Variants in LARGE1 observed in about 807,000 individuals in gnomAD.
LARGE1 encodes the protein xylosyl- and glucuronyltransferase LARGE1.
In LARGE1, 43 loss-of-function variants were observed where a neutral mutation model predicts 87.6. The observed-to-expected ratio is 0.49, with a 90% CI of 0.38 to 0.63. The LOEUF (loss-of-function observed/expected upper bound fraction) is 0.63, where lower values mean the gene tolerates loss of function less well. LARGE1 is among the 30% of genes least tolerant of loss of function. The pLI is 0.00. For synonymous variants in LARGE1, 434 were observed against 394.6 expected (o/e 1.10, Z -1.18); for missense variants, 802 against 1,000.2 (o/e 0.80, Z 2.67).
intron 11 of LARGE1, among the ~76,000 whole-genome samples, chr22:33,197,935 A>C (rs1199466456): frequency 6.6e-6 from 1 of 152,206 alleles, no homozygotes; most frequent in East Asian, 1.9e-4. Context: ...TCAATGCCAC[A>C]TAATAGAGTC....
At chr22:33,138,450 AT>A in the LARGE1 span, among the ~76,000 whole-genome samples, 13 of 148,382 alleles carry the variant, frequency 8.8e-5, no homozygotes, top group African/African-American at 9.9e-5. Context: ...TTATTTTTTC[AT>A]TTTTTTTTTT....
chr22:33,633,831 C>T (rs960076066), intron 3 of LARGE1, among the ~76,000 whole-genome samples: 3 of 152,158 alleles, frequency 2.0e-5, no homozygotes, highest in Non-Finnish European at 4.4e-5. Context: ...CTGACAGCTG[C>T]GGAGAAGCGA....
At chr22:33,338,444 C>T (rs1938748891) in intron 9 of LARGE1, among the ~76,000 whole-genome samples, 1 of 152,066 alleles carries the variant, frequency 6.6e-6, no homozygotes, top group Non-Finnish European at 1.5e-5. Context: ...GGGTCCTGGC[C>T]CCAGGTTTTA....
intron 9 of LARGE1, among the ~76,000 whole-genome samples, chr22:33,364,955 C>A (rs2064532796): frequency 6.6e-6 from 1 of 152,164 alleles, no homozygotes; most frequent in Non-Finnish European, 1.5e-5. Context: ...CTCAGCCTCC[C>A]AAAGTGCTGA....
chr22:33,840,578 T>A (rs1434779680), intron 1 of LARGE1, among the ~76,000 whole-genome samples: 1 of 152,206 alleles, frequency 6.6e-6, no homozygotes, highest in African/African-American at 2.4e-5. Flanking sequence ...TAAAGTACTA[T>A]TGGATCTATT....
At chr22:33,406,480 G>C (rs1256039252) in intron 7 of LARGE1, among the ~76,000 whole-genome samples, 1 of 152,110 alleles carries the variant, frequency 6.6e-6, no homozygotes, top group Non-Finnish European at 1.5e-5. Context: ...AAAGAAGCCT[G>C]TGTGATGAAA....
chr22:33,618,156 A>G (rs2079635374), intron 4 of LARGE1, among the ~76,000 whole-genome samples: 1 of 152,238 alleles, frequency 6.6e-6, no homozygotes, highest in Non-Finnish European at 1.5e-5. Flanking sequence ...AAATCACCGC[A>G]GCCAGAATGA....
the LARGE1 span, among the ~76,000 whole-genome samples, chr22:33,130,313 C>CAAAAAAAAAAAAAAAAAAAA: frequency 1.5e-3 from 83 of 56,994 alleles, 2 homozygotes; most frequent in African/African-American, 4.9e-3. Flanking sequence ...GATTCCGTCT[C>CAAAAAAAAAAAAAAAAAAAA]AAAAAAAAAA....
intron 2 of LARGE1, among the ~76,000 whole-genome samples, chr22:33,660,098 T>G (rs1040874204): frequency 1.3e-5 from 2 of 148,846 alleles, no homozygotes; most frequent in East Asian, 1.9e-4. Context: ...GTGTTTTTTT[T>G]TTTTTTTTTT....
chr22:33,609,915 T>C (rs1407222911), intron 4 of LARGE1, among the ~76,000 whole-genome samples: 1 of 152,072 alleles, frequency 6.6e-6, no homozygotes. Context: ...GAGTTTCTCT[T>C]TTTTTAAACA....
chr22:33,312,697 G>C (rs927738862), intron 11 of LARGE1, among the ~76,000 whole-genome samples: 3 of 152,148 alleles, frequency 2.0e-5, no homozygotes, highest in Non-Finnish European at 2.9e-5. Context: ...GGAGAAATGG[G>C]CACCTGGCTT....
chr22:33,465,468 T>C (rs1048675601), intron 6 of LARGE1, among the ~76,000 whole-genome samples: 4 of 152,192 alleles, frequency 2.6e-5, no homozygotes, highest in Non-Finnish European at 5.9e-5. Flanking sequence ...CCTTCCCAAG[T>C]AGAACATATG....
At chr22:33,766,151 T>C (rs2084893628) in intron 1 of LARGE1, among the ~76,000 whole-genome samples, 2 of 152,070 alleles carry the variant, frequency 1.3e-5, no homozygotes, top group Admixed American at 6.5e-5. Context: ...ATCACGAACA[T>C]GTGCAAATGT....
chr22:33,909,666 G>T (rs1174083730), intron 1 of LARGE1, among the ~76,000 whole-genome samples: 2 of 151,964 alleles, frequency 1.3e-5, no homozygotes, highest in Non-Finnish European at 2.9e-5. Context: ...AGCCTCCCGA[G>T]TAGCTGGGAC....
At chr22:33,728,153 C>G (rs2083328020) in intron 2 of LARGE1, among the ~76,000 whole-genome samples, 1 of 151,984 alleles carries the variant, frequency 6.6e-6, no homozygotes, top group South Asian at 2.1e-4. Flanking sequence ...AGCCCCAACT[C>G]CACTTGTAGT....
Position 33,771,791 on chromosome 22 carries a change from C to A in LARGE1, c.-82-10233G>T, listed in dbSNP as rs1398007624. Among the ~76,000 whole-genome samples the A allele has an allele frequency of 2.0e-5, 3 of 152,196 alleles. 1 individual carries two copies. The East Asian group carries it at 5.8e-4, about 29-fold the overall frequency. On this transcript the variant is annotated intron_variant, in intron 1 of 14. Coordinates refer to ENST00000397394, the MANE Select transcript of LARGE1 (RefSeq NM_133642.5). The stretch of plus-strand genomic sequence containing the variant: ...CTCCTGATTTCCTCCTCCAAACCTG[C>A]TCCAGAAAGGGCAACATCATTTACT...
In LARGE1 at chr22:33,408,973, T is replaced by C. The variant is rs142484952; in HGVS notation, c.892+23188A>G. 6.2e-3 allele frequency among the ~76,000 whole-genome samples: 946 copies of C among 152,338 alleles called. 11 individuals carry two copies. The highest frequency in any genetic ancestry group is 0.021 in the African/African-American group (887 of 41,572). On this transcript the variant is annotated intron_variant, in intron 7 of 14. Transcript: ENST00000397394. ...TGAGCCTTGCTAGAGGTGAGTCTGTTTGCATTGAGCTCGGTATGAAGTCTA... is the reference window on the plus strand; with the variant it reads ...TGAGCCTTGCTAGAGGTGAGTCTGTCTGCATTGAGCTCGGTATGAAGTCTA...
intron 4 of LARGE1, among the ~76,000 whole-genome samples, chr22:33,614,721 T>C (rs550542252): frequency 3.3e-5 from 5 of 152,300 alleles, no homozygotes; most frequent in African/African-American, 4.8e-5. Context: ...TCCTGTCAGA[T>C]TTCTTCCTAG....
At chr22:33,593,777 TAAATG>T (rs2078907630) in intron 5 of LARGE1, among the ~76,000 whole-genome samples, 1 of 152,176 alleles carries the variant, frequency 6.6e-6, no homozygotes, top group Admixed American at 6.5e-5. Flanking sequence ...TAAATAAAAT[TAAATG>T]AGATGTATTA....
Sources: allele counts gnomAD v4.1 joint callset (sites outside exome capture counted in the v4.1 genomes callset), GRCh38; gene constraint gnomAD v4.1.1; transcripts MANE v1.5; gene names NCBI Gene and HGNC (gene_info 2026-07-23, HGNC 2026-07-21).